The following TSHZ2 variants were observed in gnomAD, a reference collection of about 807,000 sequenced individuals.
TSHZ2 encodes teashirt zinc finger homeobox 2, also known as teashirt homolog 2.
TSHZ2 carries 21 observed loss-of-function variants against 74.4 expected under a neutral mutation model. The observed-to-expected ratio is 0.28, with a 90% CI of 0.20 to 0.41. The LOEUF (loss-of-function observed/expected upper bound fraction) is 0.41, where lower values mean the gene tolerates loss of function less well. Ranked by LOEUF, TSHZ2 falls within the 10% of genes least tolerant of loss-of-function variation. TSHZ2 has a pLI of 1.00. For synonymous variants in TSHZ2, 540 were observed against 515.3 expected, an observed-to-expected ratio of 1.05 and a Z score of -0.65; for missense variants, 1,244 against 1,293.5, an observed-to-expected ratio of 0.96 and a Z score of 0.59.
intron 1 of TSHZ2, among the ~76,000 whole-genome samples, chr20:52,991,803 T>G (rs545233347): frequency 4.0e-4 from 60 of 151,650 alleles, no homozygotes; most frequent in African/African-American, 1.3e-3. Context: ...GTGTGTGTTG[T>G]GGGGAAAGAG....
intron 2 of TSHZ2, among the ~76,000 whole-genome samples, chr20:53,468,216 G>C (rs1159790446): frequency 6.6e-6 from 1 of 152,112 alleles, no homozygotes; most frequent in Admixed American, 6.5e-5. Context: ...ACATACCTTT[G>C]ATTATAATTA....
intron 1 of TSHZ2, among the ~76,000 whole-genome samples, chr20:53,229,560 C>G (rs530474215): frequency 1.3e-5 from 2 of 152,334 alleles, no homozygotes; most frequent in Non-Finnish European, 2.9e-5. Flanking sequence ...GCAGTGGTGT[C>G]TCTGTTGCCC....
intron 1 of TSHZ2, among the ~76,000 whole-genome samples, chr20:52,986,074 A>G (rs1981742066): frequency 3.3e-5 from 5 of 152,206 alleles, no homozygotes. Flanking sequence ...CAGAGACTTT[A>G]GCAAGCAAAG....
intron 1 of TSHZ2, among the ~76,000 whole-genome samples, chr20:53,045,579 G>A (rs6097206): frequency 6.6e-6 from 1 of 152,166 alleles, no homozygotes. Context: ...ATTCACCTAA[G>A]GAATCAGCTT....
At chr20:52,990,859 C>T (rs971073509) in intron 1 of TSHZ2, among the ~76,000 whole-genome samples, 1 of 152,072 alleles carries the variant, frequency 6.6e-6, no homozygotes, top group Non-Finnish European at 1.5e-5. Flanking sequence ...ATCCTTATAA[C>T]AGGGATGTGT....
chr20:53,033,414 T>C (rs953110929), intron 1 of TSHZ2, among the ~76,000 whole-genome samples: 1 of 152,050 alleles, frequency 6.6e-6, no homozygotes, highest in African/African-American at 2.4e-5. Flanking sequence ...AAAGCGAACA[T>C]AAGCTCTACC....
chr20:53,467,754 G>A (rs1272156974), intron 2 of TSHZ2, among the ~76,000 whole-genome samples: 9 of 152,190 alleles, frequency 5.9e-5, no homozygotes, highest in Non-Finnish European at 7.3e-5. Context: ...AATTACTAAA[G>A]TTGGGCCACC....
At chr20:53,247,255 A>AT in intron 1 of TSHZ2, among the ~76,000 whole-genome samples, 1 of 152,250 alleles carries the variant, frequency 6.6e-6, no homozygotes, top group Non-Finnish European at 1.5e-5. Context: ...AAAAATGTGC[A>AT]TGAACGTAGA....
At chr20:53,318,706 T>C (rs1979125999) in intron 2 of TSHZ2, among the ~76,000 whole-genome samples, 1 of 152,166 alleles carries the variant, frequency 6.6e-6, no homozygotes, top group African/African-American at 2.4e-5. Context: ...CTGGGCACCA[T>C]GCTTGGCAAA....
intron 2 of TSHZ2, among the ~76,000 whole-genome samples, chr20:53,448,629 T>C (rs1287682477): frequency 2.6e-5 from 4 of 152,228 alleles, no homozygotes; most frequent in Admixed American, 2.0e-4. Flanking sequence ...ACTGGTGATG[T>C]GAACTTTGAT....
rs1344388201 is a variant in TSHZ2, at chr20:53,473,008, G to A, written c.*9-14136G>A. 9.2e-5 allele frequency among the ~76,000 whole-genome samples: 14 copies of A among 151,664 alleles called. No homozygotes were observed. In the South Asian group the frequency reaches 1.3e-3, roughly 14 times the overall value. ...CCGCACCTGGCTGGGAGGGTCCTAC[G>A]CCCACGGAGTCTCGCTGATTGCTAG... On this transcript the variant is annotated intron_variant, in intron 2 of 2. Coordinates refer to ENST00000371497, the MANE Select transcript of TSHZ2 (RefSeq NM_173485.6).
chr20:53,248,213 G>T (rs767216016), intron 1 of TSHZ2, among the ~76,000 whole-genome samples: 3 of 151,924 alleles, frequency 2.0e-5, no homozygotes, highest in Non-Finnish European at 2.9e-5. Context: ...TGGGACCATA[G>T]GCATGCACCA....
rs369584452 is a variant in TSHZ2, at chr20:53,386,636, A to G, written c.*9-100508A>G. 1.1e-4 allele frequency among the ~76,000 whole-genome samples: 16 copies of G among 152,348 alleles called. No individual in the cohort carries two copies. The East Asian group carries it at 2.5e-3, about 24-fold the overall frequency. On this transcript the variant is annotated intron_variant, in intron 2 of 2. Coordinates refer to ENST00000371497, the MANE Select transcript of TSHZ2 (RefSeq NM_173485.6). ...GACACTTCTGATTTAGTATAAACGA[A>G]TGCCCCGTTGCCTTTGGGGTACCGG...
intron 1 of TSHZ2, among the ~76,000 whole-genome samples, chr20:53,099,462 A>G (rs1986151670): frequency 3.5e-5 from 1 of 28,526 alleles, no homozygotes; most frequent in Non-Finnish European, 5.5e-5. Flanking sequence ...ATCATTTGCT[A>G]CAACCTGTTT....
At chr20:53,064,233 G>A (rs1042681583) in intron 1 of TSHZ2, among the ~76,000 whole-genome samples, 1 of 152,084 alleles carries the variant, frequency 6.6e-6, no homozygotes, top group African/African-American at 2.4e-5. Context: ...CTCTGGCTCT[G>A]GTTTAGAAGA....
At chr20:53,079,305 A>G (rs748339893) in intron 1 of TSHZ2, among the ~76,000 whole-genome samples, 1 of 152,222 alleles carries the variant, frequency 6.6e-6, no homozygotes, top group Non-Finnish European at 1.5e-5. Context: ...TGGGAGGAGA[A>G]GCCAGACTGG....
chr20:53,295,429 T>TGC (rs1315593143), intron 2 of TSHZ2, among the ~76,000 whole-genome samples: 71 of 144,616 alleles, frequency 4.9e-4, no homozygotes, highest in African/African-American at 1.6e-3. Context: ...TGTGTGTGTG[T>TGC]GTGCACGTGT....
At chr20:53,147,094 T>C (rs1987559416) in intron 1 of TSHZ2, among the ~76,000 whole-genome samples, 1 of 152,116 alleles carries the variant, frequency 6.6e-6, no homozygotes, top group Admixed American at 6.5e-5. Flanking sequence ...GCCCAATGTA[T>C]TAATTACATG....
At chr20:53,472,032 C>T (rs1285770486) in intron 2 of TSHZ2, among the ~76,000 whole-genome samples, 1 of 152,092 alleles carries the variant, frequency 6.6e-6, no homozygotes, top group Non-Finnish European at 1.5e-5. Flanking sequence ...CTCAAACTCC[C>T]GATGTCAGGT....
Sources: allele counts gnomAD v4.1 joint callset (sites outside exome capture counted in the v4.1 genomes callset), GRCh38; gene constraint gnomAD v4.1.1; transcripts MANE v1.5; gene names NCBI Gene and HGNC (gene_info 2026-07-23, HGNC 2026-07-21).